PLA2G4E: variants seen among roughly 807,000 people sequenced by gnomAD.
PLA2G4E encodes the protein phospholipase A2 group IVE.
A neutral mutation model predicts 109.1 loss-of-function variants in PLA2G4E; 84 were observed. The observed-to-expected ratio is 0.77, with a 90% CI of 0.65 to 0.92. The LOEUF (loss-of-function observed/expected upper bound fraction) is 0.92, where lower values mean the gene tolerates loss of function less well. Among genes scored for constraint, PLA2G4E ranks in the 40% least tolerant of loss-of-function variants. The pLI is 0.00. For synonymous variants in PLA2G4E, 469 were observed against 436.1 expected, an observed-to-expected ratio of 1.08 and a Z score of -0.94; for missense variants, 1,057 against 1,076.6, an observed-to-expected ratio of 0.98 and a Z score of 0.25.
At chr15:41,985,411 TC>T (rs1234832714) in intron 18 of PLA2G4E, among the ~76,000 whole-genome samples, 1 of 152,154 alleles carries the variant, frequency 6.6e-6, no homozygotes, top group Non-Finnish European at 1.5e-5. Flanking sequence ...TCGCCAGGCT[TC>T]CCTCCCACCT....
At position 42,040,868 on chromosome 15, in the gene PLA2G4E, C is replaced by A. The variant is rs184454427; in HGVS notation, c.183+9653G>T. Among the ~76,000 whole-genome samples the A allele has an allele frequency of 4.6e-3, 698 of 152,278 alleles. 2 individuals are homozygous for A. Among genetic ancestry groups the A allele is most frequent in the Middle Eastern group, 0.017 (5 of 294 alleles). On this transcript the variant is annotated intron_variant, in intron 1 of 19. Transcript: ENST00000399518. ...ACTTGGGCACTGGAATTTTTAGAAG[C>A]TTCTCTGATGATTCTAAAGTTCAAG...
At chr15:41,985,890 T>G in exon 18 of PLA2G4E, 3 of 1,611,016 alleles carry the variant, frequency 1.9e-6, no homozygotes, top group Non-Finnish European at 2.5e-6. Context: ...GGTCGGCTTT[T>G]CGCTCTGGCC....
chr15:42,011,274 C>T (rs1184323282), intron 2 of PLA2G4E, among the ~76,000 whole-genome samples: 2 of 152,290 alleles, frequency 1.3e-5, no homozygotes, highest in Non-Finnish European at 2.9e-5. Context: ...GCTGCCTGCT[C>T]TTCCTCACAC....
chr15:42,017,349 TG>T, intron 1 of PLA2G4E, among the ~76,000 whole-genome samples: 1 of 152,330 alleles, frequency 6.6e-6, no homozygotes, highest in Middle Eastern at 3.4e-3. Flanking sequence ...CTAACCTCAG[TG>T]CCTTCCAATG....
intron 1 of PLA2G4E, among the ~76,000 whole-genome samples, chr15:42,031,879 T>C (rs1889120510): frequency 6.6e-6 from 1 of 152,202 alleles, no homozygotes; most frequent in Non-Finnish European, 1.5e-5. Context: ...CATTTGGATG[T>C]TTGTCTCCTC....
intron 1 of PLA2G4E, among the ~76,000 whole-genome samples, chr15:42,021,431 G>A (rs182705465): frequency 1.1e-4 from 17 of 151,796 alleles, no homozygotes; most frequent in Admixed American, 4.6e-4. Context: ...GGATGCGACC[G>A]TCGCTCCCAA....
At chr15:42,017,117 C>G (rs2068602913) in intron 1 of PLA2G4E, among the ~76,000 whole-genome samples, 1 of 152,244 alleles carries the variant, frequency 6.6e-6, no homozygotes, top group South Asian at 2.1e-4. Context: ...TCAGCCCAGG[C>G]AGGAGTCCGT....
chr15:42,014,550 G>A (rs1389994507), intron 1 of PLA2G4E, among the ~76,000 whole-genome samples: 5 of 152,194 alleles, frequency 3.3e-5, no homozygotes, highest in African/African-American at 9.7e-5. Context: ...GTGTGGCTGC[G>A]GGAAGGGGGG....
intron 12 of PLA2G4E, among the ~76,000 whole-genome samples, chr15:41,995,121 G>A (rs1020379574): frequency 3.3e-5 from 5 of 152,248 alleles, no homozygotes; most frequent in South Asian, 2.1e-4. Context: ...GCGGGAGAGC[G>A]TCTTACACCC....
intron 5 of PLA2G4E, among the ~76,000 whole-genome samples, chr15:42,004,360 GAGGGAGAA>G (rs1269850517): frequency 1.3e-5 from 2 of 150,350 alleles, no homozygotes; most frequent in South Asian, 2.1e-4. Context: ...GAGAGGGAGA[GAGGGAGAA>G]AGGGAGAAAA....
At chr15:42,048,009 A>T (rs1889443804) in intron 1 of PLA2G4E, among the ~76,000 whole-genome samples, 1 of 152,252 alleles carries the variant, frequency 6.6e-6, no homozygotes, top group South Asian at 2.1e-4. Flanking sequence ...TATAAATATT[A>T]TGCCATATTG....
chr15:42,027,754 TCC>T (rs2068704806), intron 1 of PLA2G4E, among the ~76,000 whole-genome samples: 1 of 148,412 alleles, frequency 6.7e-6, no homozygotes, highest in Admixed American at 6.8e-5. Flanking sequence ...ATGCCCAGGC[TCC>T]TTCCCATGTT....
intron 17 of PLA2G4E, 195 bp downstream of exon 17, chr15:41,986,977 C>T: frequency 3.3e-6 from 2 of 614,024 alleles, no homozygotes; most frequent in Non-Finnish European, 5.7e-6. Flanking sequence ...GTACCCACAC[C>T]ACTCCCTGCT....
At chr15:42,016,560 C>T (rs2068597579) in intron 1 of PLA2G4E, among the ~76,000 whole-genome samples, 1 of 152,096 alleles carries the variant, frequency 6.6e-6, no homozygotes, top group African/African-American at 2.4e-5. Context: ...TGGTCTCAAA[C>T]TCCTGGTCTC....
At chr15:42,003,230 T>TA (rs568678603) in intron 5 of PLA2G4E, among the ~76,000 whole-genome samples, 54 of 152,344 alleles carry the variant, frequency 3.5e-4, no homozygotes, top group Non-Finnish European at 6.3e-4. Context: ...TTGTCAAAAT[T>TA]AAGCCCAAGG....
At chr15:42,004,059 C>T (rs1442457117) in intron 5 of PLA2G4E, among the ~76,000 whole-genome samples, 1 of 152,062 alleles carries the variant, frequency 6.6e-6, no homozygotes, top group African/African-American at 2.4e-5. Flanking sequence ...GCCTGTAATC[C>T]CAGCACTTTG....
intron 1 of PLA2G4E, among the ~76,000 whole-genome samples, 39 bp from the exon 1 acceptor site, chr15:42,021,081 C>T (rs891032348): frequency 3.3e-5 from 5 of 152,024 alleles, no homozygotes; most frequent in Non-Finnish European, 7.4e-5. Flanking sequence ...TACTCTGACT[C>T]AGAGCTCCAC....
intron 1 of PLA2G4E, among the ~76,000 whole-genome samples, chr15:42,021,736 C>A (rs975481057): frequency 2.0e-5 from 3 of 152,196 alleles, no homozygotes; most frequent in Non-Finnish European, 4.4e-5. Context: ...TGGTGGCTCA[C>A]TGAGGGGCCT....
rs754873931 is a variant in PLA2G4E at position 42,006,159 on chromosome 15, G to T, written c.394-38C>A. The T allele has an allele frequency of 1.9e-6, 3 of 1,610,570 alleles. No individual in the cohort carries two copies. The South Asian group carries it at 3.3e-5, about 18-fold the overall frequency. ...GAAGGATGCCAGTCTGGTTACCACGGTTGCATTGACCCCTTCCCAGAACAA... is the reference window on the plus strand; with the variant it reads ...GAAGGATGCCAGTCTGGTTACCACGTTTGCATTGACCCCTTCCCAGAACAA... On this transcript the variant is annotated intron_variant, in intron 3 of 19. Transcript: ENST00000399518.
Sources: allele counts gnomAD v4.1 joint callset (sites outside exome capture counted in the v4.1 genomes callset), GRCh38; gene constraint gnomAD v4.1.1; transcripts MANE v1.5; gene names NCBI Gene and HGNC (gene_info 2026-07-23, HGNC 2026-07-21).